Variants in DLGAP4 observed in about 807,000 individuals in gnomAD.
DLGAP4 encodes DLG associated protein 4.
In DLGAP4, 18 loss-of-function variants were observed where a neutral mutation model predicts 86.9. The ratio of observed to expected loss-of-function variants is 0.21; its 90% CI spans 0.14 to 0.31. The LOEUF (loss-of-function observed/expected upper bound fraction) is 0.31, where lower values mean the gene tolerates loss of function less well. DLGAP4 is among the 10% of genes least tolerant of loss of function. The pLI, the probability that DLGAP4 is intolerant of heterozygous loss-of-function variation, is 1.00. For synonymous variants in DLGAP4, 548 were observed against 574.3 expected (o/e 0.95, Z 0.65); for missense variants, 1,085 against 1,362.6 (o/e 0.80, Z 3.21).
intron 2 of DLGAP4, among the ~76,000 whole-genome samples, chr20:36,402,733 C>G (rs915198054): frequency 4.6e-5 from 7 of 152,048 alleles, no homozygotes; most frequent in Non-Finnish European, 4.4e-5. Context: ...AGGGCAAGAC[C>G]CTGTCTCATA....
In DLGAP4 at chr20:36,513,411, G is replaced by A. The variant is rs553657584; in HGVS notation, c.2513-10839G>A. ...AAAATACAAAAAATTAGCCGGGCGC[G>A]GTGGCGGGCGCCTGTAGTCCCAGCT... is the stretch of plus-strand genomic sequence containing the variant. On this transcript the variant is annotated intron_variant, in intron 10 of 12. Transcript: ENST00000339266. 9.3e-5 allele frequency among the ~76,000 whole-genome samples: 14 copies of A among 150,808 alleles called. No homozygotes were observed. The East Asian group carries it at 9.8e-4, about 11-fold the overall frequency.
At chr20:36,378,249 C>T (rs2031236835) in intron 2 of DLGAP4, among the ~76,000 whole-genome samples, 2 of 152,210 alleles carry the variant, frequency 1.3e-5, no homozygotes, top group South Asian at 4.1e-4. Flanking sequence ...GACTCCACCT[C>T]TCTGAGCCTC....
rs1600658565 is a variant in DLGAP4, at chr20:36,499,038, A to G, written c.2011-550A>G. On this transcript the variant is annotated intron_variant, in intron 8 of 12. Transcript: ENST00000339266. ...TGTGGGTGGCAGTTTCTGAATCTAG[A>G]ACTGCCGTCCAGGGTTTGCCCTTAG... 11 of 562,192 alleles carry G rather than the reference A, an allele frequency of 2.0e-5. No individual in the cohort carries two copies. The East Asian group carries it at 3.3e-4, about 17-fold the overall frequency. The allele number at this position is 562,192 out of a possible 1,614,324, so 34.8% of individuals were successfully genotyped here.
intron 7 of DLGAP4, among the ~76,000 whole-genome samples, chr20:36,449,226 A>G (rs1396285237): frequency 1.3e-5 from 2 of 152,078 alleles, no homozygotes; most frequent in South Asian, 2.1e-4. Flanking sequence ...CAGCTTCTCC[A>G]TCTGGCAGTC....
intron 7 of DLGAP4, chr20:36,461,377 G>C (rs1214256380): frequency 1.2e-6 from 1 of 851,358 alleles, no homozygotes; most frequent in African/African-American, 1.8e-5. Context: ...CCCGGCCCGG[G>C]AGTCCCTGAC....
chr20:36,413,002 CAG>C (rs2032545493), intron 2 of DLGAP4, among the ~76,000 whole-genome samples: 1 of 126,272 alleles, frequency 7.9e-6, no homozygotes, highest in Non-Finnish European at 1.6e-5. Context: ...TTTTTTGGAA[CAG>C]AGTCTCACTC....
intron 7 of DLGAP4, among the ~76,000 whole-genome samples, chr20:36,467,069 C>G (rs1050026114): frequency 3.9e-5 from 5 of 129,350 alleles, no homozygotes; most frequent in African/African-American, 1.1e-4. Context: ...TCTCTCCCCC[C>G]CCCTTCTCTC....
At chr20:36,514,100 G>T (rs747583408) in intron 10 of DLGAP4, among the ~76,000 whole-genome samples, 11 of 152,138 alleles carry the variant, frequency 7.2e-5, no homozygotes, top group Non-Finnish European at 1.5e-4. Context: ...GGTGGAAAGG[G>T]AGGAATAAAC....
intron 1 of DLGAP4, among the ~76,000 whole-genome samples, chr20:36,322,371 G>T (rs2065177181): frequency 6.6e-6 from 1 of 152,164 alleles, no homozygotes; most frequent in African/African-American, 2.4e-5. Flanking sequence ...CTGTGGTCAG[G>T]GTTTGGGGAT....
chr20:36,334,973 A>G (rs994629747), intron 1 of DLGAP4, among the ~76,000 whole-genome samples: 25 of 152,128 alleles, frequency 1.6e-4, no homozygotes, highest in Non-Finnish European at 1.0e-4. Flanking sequence ...TAATTCTCCG[A>G]CAGTCATACT....
chr20:36,363,876 A>G (rs2030600794), intron 1 of DLGAP4, among the ~76,000 whole-genome samples: 1 of 152,162 alleles, frequency 6.6e-6, no homozygotes, highest in Admixed American at 6.5e-5. Context: ...TCAGCCAATG[A>G]TCGTGGCAAT....
chr20:36,423,935 G>C (rs573020649), intron 2 of DLGAP4, among the ~76,000 whole-genome samples: 1 of 152,010 alleles, frequency 6.6e-6, no homozygotes, highest in Non-Finnish European at 1.5e-5. Flanking sequence ...ACTCCAGCCC[G>C]AGTGACAGAA....
At chr20:36,469,528 G>A (rs999448285) in intron 7 of DLGAP4, among the ~76,000 whole-genome samples, 18 of 152,198 alleles carry the variant, frequency 1.2e-4, no homozygotes, top group East Asian at 3.9e-4. Context: ...TGAGGCGGGC[G>A]GATCACCTGA....
chr20:36,457,834 C>T (rs1410066603), intron 7 of DLGAP4, among the ~76,000 whole-genome samples: 1 of 151,648 alleles, frequency 6.6e-6, no homozygotes, highest in African/African-American at 2.4e-5. Flanking sequence ...AAGGGGATTT[C>T]ACCATGTTGG....
chr20:36,333,742 C>T (rs1031932750), intron 1 of DLGAP4, among the ~76,000 whole-genome samples: 1 of 152,236 alleles, frequency 6.6e-6, no homozygotes, highest in African/African-American at 2.4e-5. Context: ...GGCCTCGAAG[C>T]CCTTCAAGGG....
chr20:36,322,321 T>C (rs2065176517), intron 1 of DLGAP4, among the ~76,000 whole-genome samples: 8 of 152,134 alleles, frequency 5.3e-5, no homozygotes, highest in Admixed American at 5.2e-4. Context: ...GGTGAAGCAC[T>C]AGAGGATGGC....
intron 6 of DLGAP4, among the ~76,000 whole-genome samples, chr20:36,443,314 C>T (rs989746461): frequency 6.6e-6 from 1 of 152,164 alleles, no homozygotes. Context: ...AGGGCACCAC[C>T]TCCTAGACAT....
intron 2 of DLGAP4, among the ~76,000 whole-genome samples, chr20:36,369,238 C>T (rs1369747963): frequency 1.3e-5 from 2 of 152,126 alleles, no homozygotes; most frequent in Non-Finnish European, 2.9e-5. Context: ...GACCCAGAGA[C>T]CTGGTTGAAT....
intron 1 of DLGAP4, among the ~76,000 whole-genome samples, chr20:36,329,072 C>G (rs553252063): frequency 1.3e-5 from 2 of 152,256 alleles, no homozygotes; most frequent in African/African-American, 4.8e-5. Context: ...TCGCGCCCGG[C>G]CTAATTTTTG....
Sources: allele counts gnomAD v4.1 joint callset (sites outside exome capture counted in the v4.1 genomes callset), GRCh38; gene constraint gnomAD v4.1.1; transcripts MANE v1.5; gene names NCBI Gene and HGNC (gene_info 2026-07-23, HGNC 2026-07-21).